The following NR2C2 variants were observed in gnomAD, a reference collection of about 807,000 sequenced individuals.
NR2C2 encodes nuclear receptor subfamily 2 group C member 2.
In NR2C2, 6 loss-of-function variants were observed where a neutral mutation model predicts 62.9. That is an observed-to-expected ratio of 0.10 (90% CI 0.05 to 0.19). The LOEUF (loss-of-function observed/expected upper bound fraction) is 0.19, where lower values mean the gene tolerates loss of function less well. Ranked by LOEUF, NR2C2 falls within the 10% of genes least tolerant of loss-of-function variation. The pLI is 1.00. For synonymous variants in NR2C2, 272 were observed against 273.8 expected, an observed-to-expected ratio of 0.99 and a Z score of 0.07; for missense variants, 479 against 762.7, an observed-to-expected ratio of 0.63 and a Z score of 4.38.
intron 1 of NR2C2, among the ~76,000 whole-genome samples, chr3:14,991,587 G>T (rs1266700809): frequency 6.6e-6 from 1 of 151,962 alleles, no homozygotes; most frequent in Admixed American, 6.6e-5. Context: ...CACTAGATCT[G>T]CACAATGTTT....
intron 13 of NR2C2, among the ~76,000 whole-genome samples, chr3:15,040,166 CAAAAA>C (rs71268412): frequency 2.2e-5 from 3 of 138,714 alleles, no homozygotes; most frequent in Non-Finnish European, 4.7e-5. Context: ...TCTCAAAAAA[CAAAAA>C]AAAAAACAAC....
chr3:14,977,890 G>A (rs369548130), intron 1 of NR2C2, among the ~76,000 whole-genome samples: 348 of 151,040 alleles, frequency 2.3e-3, no homozygotes, highest in African/African-American at 7.9e-3. Flanking sequence ...GCTTGAACCC[G>A]GGAGGCTGAG....
At chr3:15,008,726 C>G (rs2041261498) in intron 2 of NR2C2, among the ~76,000 whole-genome samples, 2 of 152,114 alleles carry the variant, frequency 1.3e-5, no homozygotes, top group South Asian at 4.1e-4. Context: ...AGGACCTTAG[C>G]TTAGTAAAGT....
chr3:15,027,803 G>T (rs544111190), intron 7 of NR2C2, among the ~76,000 whole-genome samples: 2 of 151,446 alleles, frequency 1.3e-5, no homozygotes, highest in East Asian at 3.9e-4. Context: ...TTGCCATGTT[G>T]CCCAGGCTTG....
chr3:15,000,646 G>C (rs9855136), intron 1 of NR2C2, among the ~76,000 whole-genome samples: 89 of 152,154 alleles, frequency 5.8e-4, no homozygotes, highest in African/African-American at 2.1e-3. Flanking sequence ...GATTGTTTTG[G>C]ATACTCTGGG....
At chr3:15,023,644 CAGT>C (rs2041739401) in intron 6 of NR2C2, among the ~76,000 whole-genome samples, 1 of 152,178 alleles carries the variant, frequency 6.6e-6, no homozygotes, top group South Asian at 2.1e-4. Context: ...GGCATTTCTG[CAGT>C]ACACACAAAA....
chr3:14,953,907 A>C (rs2039445194), intron 1 of NR2C2, among the ~76,000 whole-genome samples: 1 of 152,018 alleles, frequency 6.6e-6, no homozygotes, highest in Non-Finnish European at 1.5e-5. Flanking sequence ...AAAAAAAAAA[A>C]AAAACAACTG....
Position 15,004,006 on chromosome 3 carries a change from G to T in NR2C2, c.72+20G>T. ...ATTCAGGTACCTGCAACCTGCCAAT[G>T]GCAACCCTGCCTTTCCAGAAGAACT... On this transcript the variant is annotated intron_variant, in intron 2 of 13. Coordinates refer to ENST00000425241, the MANE Select transcript of NR2C2 (RefSeq NM_001291694.2). The T allele has an allele frequency of 6.3e-7, 1 of 1,596,174 alleles. No homozygotes were observed. The highest frequency in any genetic ancestry group is 1.1e-5 in the South Asian group (1 of 89,002).
intron 1 of NR2C2, among the ~76,000 whole-genome samples, chr3:14,956,438 T>A (rs966922141): frequency 6.2e-4 from 95 of 152,266 alleles, no homozygotes; most frequent in African/African-American, 1.9e-3. Flanking sequence ...GGTTTATTTT[T>A]AAATATTTGT....
rs1031266116 is a variant in NR2C2 at position 14,964,659 on chromosome 3, C to G, written c.-40+16753C>G. On this transcript the variant is annotated intron_variant, in intron 1 of 13. Transcript: ENST00000425241. ...CCTCCCGAATAGCTGGGACTACAGG[C>G]GCCCGCCACCACACCCGGCTAATTT... Among the ~76,000 whole-genome samples the G allele has an allele frequency of 2.0e-5, 3 of 151,702 alleles. No homozygotes were observed. The South Asian group carries it at 6.2e-4, about 32-fold the overall frequency.
intron 1 of NR2C2, among the ~76,000 whole-genome samples, chr3:14,994,439 C>CTTCTT (rs2040761200): frequency 1.1e-5 from 1 of 89,586 alleles, no homozygotes; most frequent in Non-Finnish European, 2.1e-5. Flanking sequence ...TTTATTCATT[C>CTTCTT]TTTTTTTTTT....
Position 15,028,677 on chromosome 3 carries a change from C to T in NR2C2, c.890C>T (p.Ser297Leu), listed in dbSNP as rs1483405793. 1 of 1,614,170 alleles carries T rather than the reference C, an allele frequency of 6.2e-7. No individual in the cohort carries two copies. The highest frequency in any genetic ancestry group is 8.5e-7 in the Non-Finnish European group (1 of 1,180,006). ...GAATCTTTGAACAACGGTGACACTT[C>T]AGAAATCCAGCCAGAGGACCAGTCT... ...LSESLNNGDT[S>L]EIQPEDQSAS... is the part of the protein sequence containing the mutation. Residue 297 changes from serine (S) to leucine (L), a missense_variant, in exon 8 of 14, where the codon TCA (serine) becomes TTA (leucine). By Grantham distance (145) the Ser-to-Leu change is moderately radical (BLOSUM62 -2). Around this residue, in one of 4 missense-constraint regions of NR2C2, gnomAD observed 151 missense variants for 176.1 expected, o/e 0.86. Coordinates refer to ENST00000425241, the MANE Select transcript of NR2C2 (RefSeq NM_001291694.2).
rs568168371 is a variant in NR2C2 at position 15,034,359 on chromosome 3, T to A, written c.1233-311T>A. On this transcript the variant is annotated intron_variant, in intron 10 of 13. Transcript: ENST00000425241. ...TAACTGATACCATCTCTTGGGACAG[T>A]CAGTCCAGGATGCTGAGGCTTTTGA... is the stretch of plus-strand genomic sequence containing the variant. The A allele has an allele frequency of 4.1e-5, 9 of 221,622 alleles. No individual in the cohort carries two copies. In the East Asian group the frequency reaches 7.4e-4, roughly 18 times the overall value. The allele number at this position is 221,622 out of a possible 1,614,324, so 13.7% of individuals were successfully genotyped here.
Position 15,021,856 on chromosome 3 carries a change from A to T in NR2C2, c.556+924A>T, listed in dbSNP as rs1410479187. ...GAATCCACAAAATTCACTGGAGAAT[A>T]AATGGAAATGTATTTTTTGAGAAAT... is the stretch of plus-strand genomic sequence containing the variant. On this transcript the variant is annotated intron_variant, in intron 5 of 13. Transcript: ENST00000425241. 2.0e-5 allele frequency among the ~76,000 whole-genome samples: 3 copies of T among 152,256 alleles called. No homozygotes were observed. The East Asian group carries it at 5.8e-4, about 29-fold the overall frequency.
chr3:14,998,893 A>G (rs1415341952), intron 1 of NR2C2, among the ~76,000 whole-genome samples: 1 of 152,110 alleles, frequency 6.6e-6, no homozygotes, highest in Non-Finnish European at 1.5e-5. Flanking sequence ...TCCCAGTTAC[A>G]TGGGGGGCTG....
intron 1 of NR2C2, among the ~76,000 whole-genome samples, chr3:14,955,195 C>G (rs2039487478): frequency 6.6e-6 from 1 of 152,042 alleles, no homozygotes; most frequent in African/African-American, 2.4e-5. Flanking sequence ...TAAAATTGTT[C>G]TCACTATTTT....
rs139770343 is a variant in NR2C2 at position 15,030,063 on chromosome 3, G to A, written c.933-212G>A. On this transcript the variant is annotated intron_variant, in intron 8 of 13. Transcript: ENST00000425241. ...TTGTTTGCCGGATGCAGTGGCTCAC[G>A]TGTGTAATCCCAGCACTTTGAGAGG... 1.6e-3 allele frequency among the ~76,000 whole-genome samples: 248 copies of A among 152,236 alleles called. 2 individuals carry two copies. The highest frequency in any genetic ancestry group is 5.5e-3 in the African/African-American group (230 of 41,550).
intron 1 of NR2C2, among the ~76,000 whole-genome samples, chr3:14,999,618 C>G (rs1216317479): frequency 1.3e-5 from 2 of 151,812 alleles, no homozygotes; most frequent in African/African-American, 2.4e-5. Context: ...CCTGTGTTTT[C>G]TGAGAGTTTT....
At chr3:15,004,446 A>G (rs991466096) in intron 2 of NR2C2, 3 of 1,093,594 alleles carry the variant, frequency 2.7e-6, no homozygotes, top group Non-Finnish European at 3.8e-6. Context: ...AAGTGCTTAG[A>G]ATGGTACCTG....
Sources: allele counts gnomAD v4.1 joint callset (sites outside exome capture counted in the v4.1 genomes callset), GRCh38; gene constraint gnomAD v4.1.1; regional missense constraint gnomAD v4.1.1; transcripts MANE v1.5; gene names NCBI Gene and HGNC (gene_info 2026-07-23, HGNC 2026-07-21).